LAMA5: variants seen among roughly 807,000 people sequenced by gnomAD.
The protein encoded by LAMA5 is laminin subunit alpha 5, also known as laminin subunit alpha-5.
Under a neutral mutation model 433.4 loss-of-function variants are expected in LAMA5, and 260 were observed. The observed-to-expected ratio is 0.60, with a 90% CI of 0.54 to 0.66. The LOEUF is 0.66. LAMA5 is among the 30% of genes least tolerant of loss of function. LAMA5 has a pLI of 0.00. For synonymous variants in LAMA5, 2,620 were observed against 2,226.6 expected, an observed-to-expected ratio of 1.18 and a Z score of -4.97; for missense variants, 5,378 against 5,258.5, an observed-to-expected ratio of 1.02 and a Z score of -0.70.
At chr20:62,343,504 AG>A (rs1214125361) in intron 11 of LAMA5, among the ~76,000 whole-genome samples, 1 of 152,192 alleles carries the variant, frequency 6.6e-6, no homozygotes, top group African/African-American at 2.4e-5. Flanking sequence ...GGCTGGGCGC[AG>A]AGGCTTACGC....
At chr20:62,335,437 T>G (rs1281438822) in intron 18 of LAMA5, among the ~76,000 whole-genome samples, 168 bp from the exon 19 acceptor site, 1 of 133,344 alleles carries the variant, frequency 7.5e-6, no homozygotes, top group Non-Finnish European at 1.6e-5. Context: ...CACTTGCAGG[T>G]ACAGTTCCCC....
rs115886590 is a variant in LAMA5, at chr20:62,344,299, A to G, written c.1477+1519T>C. Among the ~76,000 whole-genome samples the G allele has an allele frequency of 5.3e-3, 804 of 152,000 alleles. 7 individuals are homozygous for G. The highest frequency in any genetic ancestry group is 0.019 in the African/African-American group (778 of 41,456). On this transcript the variant is annotated intron_variant, in intron 11 of 79. Transcript: ENST00000252999. Reference sequence around the variant, plus strand: ...GCCATCAAGCAAAAGACGCATCCCAATTCCAGAAACACTAAAAAGCAAGGG... The same window carrying G: ...GCCATCAAGCAAAAGACGCATCCCAGTTCCAGAAACACTAAAAAGCAAGGG...
In LAMA5 at chr20:62,312,173, C is replaced by T. The variant is rs759512310; in HGVS notation, c.9504G>A (p.Pro3168=). Reference sequence around the variant, plus strand: ...AATGGGCACGGGTGTGAGGTCTCACCGGGGACGCCCGGTAGTAGAGCAGGG... The same window carrying T: ...AATGGGCACGGGTGTGAGGTCTCACTGGGGACGCCCGGTAGTAGAGCAGGG... ...DSALLYYRAS[P]DGLCQVSLQQ... is the part of the protein sequence containing the mutation. The change falls in exon 69 of 80, where the codon CCG becomes CCA. Residue 3168 remains proline, a splice_region_variant and synonymous_variant. Transcript: ENST00000252999. 6.2e-6 allele frequency: 10 copies of T among 1,610,336 alleles called. No individual in the cohort carries two copies. Among genetic ancestry groups the T allele is most frequent in the South Asian group, 1.1e-5 (1 of 90,768 alleles).
intron 50 of LAMA5, among the ~76,000 whole-genome samples, chr20:62,320,057 G>C (rs149644733): frequency 6.6e-6 from 1 of 152,064 alleles, no homozygotes; most frequent in Non-Finnish European, 1.5e-5. Flanking sequence ...AGTGGCTCAC[G>C]TCTGTAATCC....
At chr20:62,323,266 C>T (rs66861974) in intron 45 of LAMA5, among the ~76,000 whole-genome samples, 190 bp downstream of exon 45, 25,265 of 102,034 alleles carry the variant, frequency 0.25, 2,679 homozygotes, top group East Asian at 0.5. Context: ...AGGGCCTGAT[C>T]GCTGGGGCGG....
intron 2 of LAMA5, among the ~76,000 whole-genome samples, chr20:62,355,934 C>A (rs1346032411): frequency 1.3e-5 from 2 of 152,180 alleles, no homozygotes; most frequent in East Asian, 3.9e-4. Context: ...CCCGACTGAG[C>A]CCCCTGGGAG....
chr20:62,346,779 G>C lies in LAMA5; in HGVS notation c.1094C>G (p.Ala365Gly). The change falls in exon 8 of 80, where the codon GCC becomes GGC. Residue 365 changes from alanine (A) to glycine (G), a missense_variant. Physicochemically the swap from Ala to Gly is moderately conservative, Grantham distance 60. Coordinates refer to ENST00000252999, the MANE Select transcript of LAMA5 (RefSeq NM_005560.6). The part of the protein sequence containing the change: ...ECQSCNCYGH[A>G]TDCYYDPEVD... ...CTCAGGGTCGTAGTAACAGTCGGTG[G>C]CATGGCCGTAGCAGTTACAGGCTAG... is the stretch of plus-strand genomic sequence containing the variant. 1 of 1,612,370 alleles carries C rather than the reference G, an allele frequency of 6.2e-7. No homozygotes were observed.
chr20:62,365,443 A>C (rs1440756194), intron 1 of LAMA5, among the ~76,000 whole-genome samples: 1 of 152,216 alleles, frequency 6.6e-6, no homozygotes, highest in Admixed American at 6.5e-5. Flanking sequence ...ATAAGCCCCC[A>C]CAGAGGAGAC....
chr20:62,309,921 C>G (rs1178770046), intron 78 of LAMA5, 67 bp downstream of exon 78: 25 of 1,605,136 alleles, frequency 1.6e-5, no homozygotes, highest in African/African-American at 5.3e-5. Flanking sequence ...ACCCAGAGTC[C>G]CGCCTGGCTC....
At position 62,314,551 on chromosome 20, in the gene LAMA5, G is replaced by A; in HGVS notation, c.8367+4C>T. ...GGGCCGCATCCACCCAGCCAGCCTG[G>A]TACCTGGCGGCTGCCCATGTACATC... On this transcript the variant is annotated splice_donor_region_variant and intron_variant, in intron 61 of 79. Transcript: ENST00000252999. 1 of 1,607,362 alleles carries A rather than the reference G, an allele frequency of 6.2e-7. No homozygotes were observed. The highest frequency in any genetic ancestry group is 8.5e-7 in the Non-Finnish European group (1 of 1,176,552).
rs1026635315 is a variant in LAMA5 at position 62,311,101 on chromosome 20, G to T, written c.10089-7C>A. On this transcript the variant is annotated splice_polypyrimidine_tract_variant and splice_region_variant and intron_variant, in intron 73 of 79. Transcript: ENST00000252999. ...GTGCATGGAGAGACTGGGCCTGGAA[G>T]CGGAGCTGGCGTCAGCCTGCGCGGC... The T allele has an allele frequency of 2.6e-6, 4 of 1,568,298 alleles. No individual in the cohort carries two copies. In the African/African-American group the frequency reaches 4.1e-5, roughly 16 times the overall value.
intron 23 of LAMA5, 78 bp downstream of exon 23, chr20:62,333,823 G>A: frequency 6.9e-7 from 1 of 1,457,988 alleles, no homozygotes; most frequent in Non-Finnish European, 9.2e-7. Flanking sequence ...AGAGGAAGGT[G>A]GCGGGGCTTG....
intron 1 of LAMA5, among the ~76,000 whole-genome samples, chr20:62,364,273 G>A (rs1986478171): frequency 6.6e-6 from 1 of 152,224 alleles, no homozygotes; most frequent in Admixed American, 6.5e-5. Context: ...GGCTCCTGGA[G>A]AAGGTAGGTG....
chr20:62,357,685 A>C (rs1270874278), intron 2 of LAMA5, among the ~76,000 whole-genome samples: 1 of 152,250 alleles, frequency 6.6e-6, no homozygotes, highest in Admixed American at 6.5e-5. Context: ...AACAACTCTG[A>C]GGCCAGAACC....
chr20:62,323,790 A>G lies in LAMA5; in HGVS notation c.5835T>C (p.Gly1945=). 1.2e-6 allele frequency: 2 copies of G among 1,610,314 alleles called. No homozygotes were observed. Among genetic ancestry groups the G allele is most frequent in the East Asian group, 2.2e-5 (1 of 44,768 alleles). ...CCCCAGCTCACCGCTCGCAGGAGGC[A>G]CCTGCATAACCAGGTTTGCAGAGGC... ...TQCLCKPGYA[G]ASCERCAPGF... The change falls in exon 44 of 80, where the codon GGT becomes GGC. Residue 1945 remains glycine (G), a synonymous_variant. Coordinates refer to ENST00000252999, the MANE Select transcript of LAMA5 (RefSeq NM_005560.6).
At position 62,313,836 on chromosome 20, in the gene LAMA5, C is replaced by G. The variant is rs369789985; in HGVS notation, c.8505-34G>C. ...AGAGGCGAGGGGTGGCGAGTGGGCACGGAGAGATGAGGGGTGGCGAGTGGG... is the reference window on the plus strand; with the variant it reads ...AGAGGCGAGGGGTGGCGAGTGGGCAGGGAGAGATGAGGGGTGGCGAGTGGG... On this transcript the variant is annotated intron_variant, in intron 62 of 79. Coordinates refer to ENST00000252999, the MANE Select transcript of LAMA5 (RefSeq NM_005560.6). The G allele has an allele frequency of 1.3e-5, 21 of 1,581,048 alleles. No individual in the cohort carries two copies. In the South Asian group the frequency reaches 2.1e-4, roughly 16 times the overall value.
chr20:62,322,536 C>T (rs2146124824), intron 46 of LAMA5, 87 bp from the exon 47 acceptor site: 3 of 1,459,068 alleles, frequency 2.1e-6, no homozygotes, highest in Non-Finnish European at 2.8e-6. Flanking sequence ...CCATCTGGCC[C>T]CACCCCCTGA....
In LAMA5 at chr20:62,319,033, C is replaced by A; in HGVS notation, c.6872-20G>T. ...TGAGCTCTGTGGGGCAGGGGTTCGT[C>A]AGAGCCTGGGGCCGCCCGTACTAGT... is the stretch of plus-strand genomic sequence containing the variant. On this transcript the variant is annotated intron_variant, in intron 51 of 79. Coordinates refer to ENST00000252999, the MANE Select transcript of LAMA5 (RefSeq NM_005560.6). The A allele has an allele frequency of 6.5e-7, 1 of 1,540,226 alleles. No homozygotes were observed. The highest frequency in any genetic ancestry group is 1.2e-5 in the South Asian group (1 of 82,458).
chr20:62,350,369 C>T (rs1213873779), intron 6 of LAMA5, among the ~76,000 whole-genome samples: 1 of 152,138 alleles, frequency 6.6e-6, no homozygotes, highest in Non-Finnish European at 1.5e-5. Context: ...TCCTGGCAAA[C>T]AGCCCAAGTC....
Sources: gnomAD v4.1 joint callset for allele counts (sites outside exome capture counted in the v4.1 genomes callset) on GRCh38, gnomAD v4.1.1 for gene constraint, MANE v1.5 for transcripts, NCBI Gene and HGNC (gene_info 2026-07-23, HGNC 2026-07-21) for gene names.